CCNG1: variants seen among roughly 807,000 people sequenced by gnomAD.
CCNG1 encodes cyclin-G1.
Under a neutral mutation model 30.0 loss-of-function variants are expected in CCNG1, and 13 were observed. The observed-to-expected ratio is 0.43, with a 90% CI of 0.28 to 0.69. CCNG1 has a LOEUF of 0.69. Among genes scored for constraint, CCNG1 ranks in the 30% least tolerant of loss-of-function variants. The pLI, the probability that CCNG1 is intolerant of heterozygous loss-of-function variation, is 0.16. For synonymous variants in CCNG1, 110 were observed against 121.5 expected, an observed-to-expected ratio of 0.91 and a Z score of 0.62; for missense variants, 285 against 331.4, an observed-to-expected ratio of 0.86 and a Z score of 1.09.
rs995344188 is a variant in CCNG1, at chr5:163,439,088, T to C, written c.1-169T>C. 1.9e-5 allele frequency: 11 copies of C among 589,580 alleles called. No individual in the cohort carries two copies. The African/African-American group carries it at 1.9e-4, about 10-fold the overall frequency. The allele number at this position is 589,580 out of a possible 1,614,324, so 36.5% of individuals were successfully genotyped here. On this transcript the variant is annotated intron_variant, in intron 1 of 6. Coordinates refer to ENST00000340828, the MANE Select transcript of CCNG1 (RefSeq NM_004060.4). The stretch of plus-strand genomic sequence containing the variant: ...AACTCAATTTAGGATGTGACCAACT[T>C]GTAGAAGGGAAATAAATAACAGATG...
At chr5:163,456,277 T>C in the CCNG1 span, among the ~76,000 whole-genome samples, 1 of 152,212 alleles carries the variant, frequency 6.6e-6, no homozygotes, top group East Asian at 1.9e-4. Context: ...AAAGATATCT[T>C]AGAACACTTG....
the CCNG1 span, chr5:163,456,924 C>T: frequency 1.9e-6 from 3 of 1,596,428 alleles, no homozygotes; most frequent in Admixed American, 5.2e-5. Flanking sequence ...CTTCATCTGA[C>T]TTACTTCTTT....
the CCNG1 span, chr5:163,456,906 C>G: frequency 1.3e-6 from 2 of 1,538,374 alleles, no homozygotes; most frequent in Non-Finnish European, 1.8e-6. Flanking sequence ...ATTACACATA[C>G]TCATACACTT....
At chr5:163,454,036 G>A in the CCNG1 span, 1 of 1,545,938 alleles carries the variant, frequency 6.5e-7, no homozygotes, top group African/African-American at 1.4e-5. Flanking sequence ...CTCCACTGAA[G>A]TCAAAACCAG....
intron 6 of CCNG1, among the ~76,000 whole-genome samples, chr5:163,443,311 CA>C (rs35396845): frequency 0.45 from 40,223 of 90,204 alleles, 5,811 homozygotes; most frequent in African/African-American, 0.56. Context: ...GACTCCGCCA[CA>C]AAAAAAAAAA....
In CCNG1 at chr5:163,437,692, C is replaced by G. The variant is rs2069339; in HGVS notation, c.-113C>G. 9,357 of 152,334 alleles carry G rather than the reference C, an allele frequency of 0.061. 394 individuals are homozygous for G. The highest frequency in any genetic ancestry group is 0.13 in the African/African-American group (5,201 of 41,484). The allele number at this position is 152,334 out of a possible 1,614,324, so 9.4% of individuals were successfully genotyped here. A position where few individuals can be genotyped will look rare whatever the true frequency, so the allele number is the denominator to read the frequency against. On this transcript the variant is annotated 5_prime_UTR_variant, in exon 1 of 7. Transcript: ENST00000340828. ...CAGTCCCCCTCCCCGGGCCTCTCTC[C>G]TCTTGCCTACGAGTCCCCTCTCCTC...
At chr5:163,442,596 G>C (rs1329996791) in intron 6 of CCNG1, 28 bp downstream of exon 6, 1 of 1,512,086 alleles carries the variant, frequency 6.6e-7, no homozygotes, top group African/African-American at 1.4e-5. Flanking sequence ...TTATTCTCCA[G>C]ATAGAGAACA....
chr5:163,451,108 A>G (rs1446913825), downstream of CCNG1: 1 of 152,222 alleles, frequency 6.6e-6, no homozygotes, highest in Non-Finnish European at 1.5e-5. Flanking sequence ...GAAAAGAGGT[A>G]GTATGGATGG....
the CCNG1 span, chr5:163,452,595 T>C: frequency 6.6e-6 from 1 of 152,230 alleles, no homozygotes; most frequent in Admixed American, 6.5e-5. Flanking sequence ...ATTTTGCAAC[T>C]ATCTTCTCAA....
intron 1 of CCNG1, among the ~76,000 whole-genome samples, chr5:163,438,950 AG>A (rs1757646062): frequency 6.7e-6 from 1 of 148,778 alleles, no homozygotes; most frequent in African/African-American, 2.5e-5. Context: ...CGCTTGAACC[AG>A]GGAGTCGGAG....
chr5:163,443,361 CATTGGGT>C (rs1288898498), intron 6 of CCNG1, among the ~76,000 whole-genome samples: 1 of 150,952 alleles, frequency 6.6e-6, no homozygotes, highest in Admixed American at 6.6e-5. Context: ...ATGGTCTCTA[CATTGGGT>C]ATCTGGAAAC....
At chr5:163,457,608 G>T in the CCNG1 span, 2 of 1,580,998 alleles carry the variant, frequency 1.3e-6, no homozygotes, top group African/African-American at 1.3e-5. Context: ...CAAAGAGTTT[G>T]CCCTGAAAAA....
chr5:163,441,464 T>C (rs1184381783), intron 3 of CCNG1, 133 bp downstream of exon 3: 1 of 785,224 alleles, frequency 1.3e-6, no homozygotes. Flanking sequence ...CCTTGAACTT[T>C]AATGTCCATC....
chr5:163,438,531 C>T (rs1757609708), intron 1 of CCNG1, among the ~76,000 whole-genome samples: 1 of 152,178 alleles, frequency 6.6e-6, no homozygotes, highest in Admixed American at 6.5e-5. Flanking sequence ...AGGTCATAAA[C>T]CTTATCCCTA....
chr5:163,441,415 A>G, intron 3 of CCNG1, 84 bp downstream of exon 3: 2 of 1,256,580 alleles, frequency 1.6e-6, no homozygotes, highest in Non-Finnish European at 2.2e-6. Flanking sequence ...GTATCCTCAT[A>G]GAATTCTAAT....
chr5:163,454,831 T>G, the CCNG1 span, among the ~76,000 whole-genome samples: 1 of 151,892 alleles, frequency 6.6e-6, no homozygotes, highest in Non-Finnish European at 1.5e-5. Context: ...ATTAGAGGTA[T>G]GTAGAATTCA....
In CCNG1 at chr5:163,442,433, T is replaced by C. The variant is rs2113370021; in HGVS notation, c.756T>C (p.Tyr252=). The change falls in exon 6 of 7, where the codon TAT becomes TAC. Residue 252 remains tyrosine, a synonymous_variant. Transcript: ENST00000340828. The part of the protein sequence containing the change: ...QELVSKCLTE[Y]SSNKCSKPNV... Reference sequence around the variant, plus strand: ...TTGTATCCAAATGTTTAACTGAATATTCATCAAATAAGTGTTCCAAACCAA... The same window carrying C: ...TTGTATCCAAATGTTTAACTGAATACTCATCAAATAAGTGTTCCAAACCAA... 1 of 1,614,032 alleles carries C rather than the reference T, an allele frequency of 6.2e-7. No homozygotes were observed. The highest frequency in any genetic ancestry group is 2.2e-5 in the East Asian group (1 of 44,864).
downstream of CCNG1, chr5:163,448,050 A>G (rs1050224780): frequency 2.3e-4 from 35 of 151,816 alleles, no homozygotes; most frequent in African/African-American, 8.2e-4. Context: ...AGTCCCAGCC[A>G]CTCAGAAGGC....
the CCNG1 span, among the ~76,000 whole-genome samples, chr5:163,456,304 T>C: frequency 1.3e-5 from 2 of 152,214 alleles, no homozygotes; most frequent in Non-Finnish European, 2.9e-5. Context: ...TTCACAGAGA[T>C]GAAAGCACAG....
Sources: allele counts gnomAD v4.1 joint callset (sites outside exome capture counted in the v4.1 genomes callset), GRCh38; gene constraint gnomAD v4.1.1; transcripts MANE v1.5; gene names NCBI Gene and HGNC (gene_info 2026-07-23, HGNC 2026-07-21).